Variants in PPP1R3A observed in about 807,000 individuals in gnomAD.
PPP1R3A encodes the protein protein phosphatase 1 regulatory subunit 3A, also known as RG1.
A neutral mutation model predicts 41.7 loss-of-function variants in PPP1R3A; 29 were observed. That is an observed-to-expected ratio of 0.70 (90% CI 0.52 to 0.95). The LOEUF is 0.95. PPP1R3A is among the 40% of genes least tolerant of loss of function. PPP1R3A has a pLI of 0.00. For synonymous variants in PPP1R3A, 485 were observed against 453.4 expected (o/e 1.07, Z -0.89); for missense variants, 1,352 against 1,292.4 (o/e 1.05, Z -0.71).
intron 1 of PPP1R3A, among the ~76,000 whole-genome samples, chr7:113,891,297 AATT>A (rs1356205614): frequency 6.6e-6 from 1 of 151,962 alleles, no homozygotes; most frequent in East Asian, 1.9e-4. Flanking sequence ...GTGTTTAATA[AATT>A]ATTATTGTTA....
intron 1 of PPP1R3A, among the ~76,000 whole-genome samples, chr7:113,884,345 T>A (rs1002968290): frequency 1.3e-5 from 2 of 152,052 alleles, no homozygotes; most frequent in African/African-American, 4.8e-5. Flanking sequence ...GGAGGAACTT[T>A]TTTTATCAGA....
Position 113,918,989 on chromosome 7 carries a change from G to T in PPP1R3A, c.8C>A (p.Pro3His), listed in dbSNP as rs751355534. Reference protein sequence around the residue: MEPSEVPSQISKD... With the variant: MEHSEVPSQISKD... Reference sequence around the variant, plus strand: ...GCTAATCTGACTAGGTACTTCAGAAGGCTCCATTGGGCTCTCTGATATCAA... The same window carrying T: ...GCTAATCTGACTAGGTACTTCAGAATGCTCCATTGGGCTCTCTGATATCAA... Residue 3 changes from proline to histidine, a missense_variant, in exon 1 of 4, where the codon CCT (proline) becomes CAT (histidine). By Grantham distance (77) the Pro-to-His change is moderately conservative. Transcript: ENST00000284601. The T allele has an allele frequency of 1.7e-5, 27 of 1,610,738 alleles. No homozygotes were observed. The highest frequency in any genetic ancestry group is 2.1e-5 in the Non-Finnish European group (25 of 1,177,444).
chr7:113,878,359 C>G lies in PPP1R3A; in HGVS notation c.2733G>C (p.Gln911His), dbSNP rs753397236. The G allele has an allele frequency of 6.2e-7, 1 of 1,612,632 alleles. No homozygotes were observed. The highest frequency in any genetic ancestry group is 8.5e-7 in the Non-Finnish European group (1 of 1,179,654). Residue 911 changes from glutamine to histidine, a missense_variant, in exon 4 of 4, where the codon CAG becomes CAC. Gln to His is a conservative substitution (Grantham distance 24). Transcript: ENST00000284601. ...AFNSDTNRAP[Q>H]NSSPFSKHHT... ...GATGTTTGGAAAAAGGAGAGCTATT[C>G]TGAGGAGCTCTATTAGTGTCTGAGT...
intron 1 of PPP1R3A, among the ~76,000 whole-genome samples, chr7:113,900,034 C>A (rs1339900035): frequency 6.7e-6 from 1 of 150,108 alleles, no homozygotes; most frequent in African/African-American, 2.4e-5. Flanking sequence ...ATGAGGATTA[C>A]CTCTCCATAC....
At chr7:113,886,689 C>T (rs1796789854) in intron 1 of PPP1R3A, among the ~76,000 whole-genome samples, 1 of 152,058 alleles carries the variant, frequency 6.6e-6, no homozygotes, top group South Asian at 2.1e-4. Context: ...ATTCTAGTTT[C>T]AAATAATTTA....
At chr7:113,880,167 C>G (rs756892702) in intron 3 of PPP1R3A, 42 bp from the exon 4 acceptor site, 1 of 1,509,646 alleles carries the variant, frequency 6.6e-7, no homozygotes, top group African/African-American at 1.4e-5. Flanking sequence ...ACCATAAGAT[C>G]TTTTAAAATA....
chr7:113,916,855 CTCTT>C (rs1265284974), intron 1 of PPP1R3A, among the ~76,000 whole-genome samples: 1 of 152,040 alleles, frequency 6.6e-6, no homozygotes, highest in East Asian at 1.9e-4. Context: ...TTATTATACT[CTCTT>C]TCCTAACAGC....
chr7:113,893,186 C>T (rs912426240), intron 1 of PPP1R3A, among the ~76,000 whole-genome samples: 1 of 151,842 alleles, frequency 6.6e-6, no homozygotes, highest in Non-Finnish European at 1.5e-5. Context: ...AAATAACATG[C>T]CTTGCAGTTT....
At position 113,882,252 on chromosome 7, in the gene PPP1R3A, A is replaced by C; in HGVS notation, c.841+10T>G. 1 of 1,527,624 alleles carries C rather than the reference A, an allele frequency of 6.5e-7. No homozygotes were observed. Among genetic ancestry groups the C allele is most frequent in the East Asian group, 2.3e-5 (1 of 44,112 alleles). The allele number at this position is 1,527,624 out of a possible 1,614,324, so 94.6% of individuals were successfully genotyped here. A position where few individuals can be genotyped will look rare whatever the true frequency, so the allele number is the denominator to read the frequency against. On this transcript the variant is annotated intron_variant, in intron 2 of 3. Coordinates refer to ENST00000284601, the MANE Select transcript of PPP1R3A (RefSeq NM_002711.4). ...ACAAATTTGGTTTTAAAATTAATGA[A>C]GAATATTACCTGTATTCTTTGGATT... is the stretch of plus-strand genomic sequence containing the variant.
chr7:113,909,907 T>C (rs1382723361), intron 1 of PPP1R3A, among the ~76,000 whole-genome samples: 2 of 152,078 alleles, frequency 1.3e-5, no homozygotes, highest in African/African-American at 2.4e-5. Context: ...AGATATGTAT[T>C]AGTTTGTTCT....
intron 1 of PPP1R3A, among the ~76,000 whole-genome samples, chr7:113,904,425 A>C (rs570317346): frequency 9.2e-5 from 14 of 151,912 alleles, no homozygotes; most frequent in African/African-American, 3.4e-4. Context: ...AATAGATTTA[A>C]AAAATACATA....
intron 1 of PPP1R3A, among the ~76,000 whole-genome samples, chr7:113,905,561 A>G (rs1422984344): frequency 1.3e-5 from 2 of 151,878 alleles, no homozygotes; most frequent in Non-Finnish European, 2.9e-5. Flanking sequence ...AACCATTTTA[A>G]AATACCTTTT....
intron 3 of PPP1R3A, among the ~76,000 whole-genome samples, chr7:113,881,489 A>G (rs1374384956): frequency 1.3e-5 from 2 of 151,910 alleles, no homozygotes; most frequent in African/African-American, 4.8e-5. Flanking sequence ...CAAATTTAAT[A>G]CTAAGTTGTA....
Position 113,879,327 on chromosome 7 carries a change from A to T in PPP1R3A, c.1765T>A (p.Leu589Ile). The change falls in exon 4 of 4, where the codon TTA (leucine) becomes ATA (isoleucine). Residue 589 changes from leucine (L) to isoleucine (I), a missense_variant. Leu to Ile is a conservative substitution (Grantham distance 5, BLOSUM62 2). Transcript: ENST00000284601. Reference protein sequence around the residue: ...ADVSHSPRTNLSWEEAVLTPE... With the variant: ...ADVSHSPRTNISWEEAVLTPE... ...GTTAACACAGCTTCTTCCCAACTTA[A>T]ATTTGTCCTTGGTGAATGAGACACA... is the stretch of plus-strand genomic sequence containing the variant. The T allele has an allele frequency of 1.9e-6, 3 of 1,613,452 alleles. No homozygotes were observed. Among genetic ancestry groups the T allele is most frequent in the Non-Finnish European group, 2.5e-6 (3 of 1,179,666 alleles).
At chr7:113,883,642 T>A (rs1796733502) in intron 1 of PPP1R3A, among the ~76,000 whole-genome samples, 1 of 151,968 alleles carries the variant, frequency 6.6e-6, no homozygotes, top group Non-Finnish European at 1.5e-5. Context: ...CAAGGTTTAT[T>A]TTTACGAAAT....
At chr7:113,891,263 T>C (rs1796883313) in intron 1 of PPP1R3A, among the ~76,000 whole-genome samples, 1 of 152,052 alleles carries the variant, frequency 6.6e-6, no homozygotes, top group Non-Finnish European at 1.5e-5. Context: ...AGTAATTATT[T>C]AGCATAGTTT....
intron 1 of PPP1R3A, among the ~76,000 whole-genome samples, chr7:113,885,247 C>T (rs1176347602): frequency 6.6e-6 from 1 of 152,030 alleles, no homozygotes; most frequent in African/African-American, 2.4e-5. Flanking sequence ...AAGGTTTCAC[C>T]ATGTTGCCAG....
At chr7:113,899,722 C>A (rs1413834486) in intron 1 of PPP1R3A, among the ~76,000 whole-genome samples, 1 of 151,796 alleles carries the variant, frequency 6.6e-6, no homozygotes, top group Non-Finnish European at 1.5e-5. Flanking sequence ...GCAACCACCC[C>A]AGACCAATTA....
chr7:113,915,425 T>C (rs1388195723), intron 1 of PPP1R3A, among the ~76,000 whole-genome samples: 1 of 151,816 alleles, frequency 6.6e-6, no homozygotes, highest in Admixed American at 6.6e-5. Flanking sequence ...GAATTGAAGT[T>C]AGCTGTTATT....
Sources: allele counts gnomAD v4.1 joint callset (sites outside exome capture counted in the v4.1 genomes callset), GRCh38; gene constraint gnomAD v4.1.1; transcripts MANE v1.5; gene names NCBI Gene and HGNC (gene_info 2026-07-23, HGNC 2026-07-21).